The following FARP2 variants were observed in gnomAD, a reference collection of about 807,000 sequenced individuals.
The protein encoded by FARP2 is FERM, ARH/RhoGEF and pleckstrin domain protein 2, also known as FERM, ARHGEF and pleckstrin domain-containing protein 2.
A neutral mutation model predicts 130.5 loss-of-function variants in FARP2; 111 were observed. The observed-to-expected ratio is 0.85, with a 90% confidence interval of 0.73 to 1.00. The LOEUF (loss-of-function observed/expected upper bound fraction) is 1.00, where lower values mean the gene tolerates loss of function less well. Among genes scored for constraint, FARP2 ranks in the 50% least tolerant of loss-of-function variants. FARP2 has a pLI of 0.00. For missense variants in FARP2, 1,385 were observed against 1,346.3 expected (o/e 1.03, Z -0.45); for synonymous variants, 504 against 516.9 (o/e 0.98, Z 0.34).
At chr2:241,394,617 A>G (rs954362846) in intron 2 of FARP2, among the ~76,000 whole-genome samples, 3 of 152,182 alleles carry the variant, frequency 2.0e-5, no homozygotes, top group Non-Finnish European at 2.9e-5. Flanking sequence ...TAAGGCATCT[A>G]TACAAATTAT....
chr2:241,453,433 T>C (rs186919445), intron 13 of FARP2, among the ~76,000 whole-genome samples: 2,836 of 150,758 alleles, frequency 0.019, 125 homozygotes, highest in East Asian at 0.17. Flanking sequence ...CCATCCTGGC[T>C]AACATGGTGA....
intron 18 of FARP2, among the ~76,000 whole-genome samples, chr2:241,472,166 TAGGGGGATCCTGTTCTG>T (rs1221928522): frequency 6.9e-6 from 1 of 144,144 alleles, no homozygotes; most frequent in African/African-American, 2.6e-5. Flanking sequence ...ACCCTGTTCT[TAGGGGGATCCTGTTCTG>T]AGGGGGATGC....
intron 11 of FARP2, among the ~76,000 whole-genome samples, chr2:241,435,414 A>C (rs1159351231): frequency 6.6e-6 from 1 of 151,182 alleles, no homozygotes; most frequent in Non-Finnish European, 1.5e-5. Flanking sequence ...CCTATTTTAA[A>C]TATTAATCTT....
rs185665620 is a variant in FARP2, at chr2:241,452,287, C to T, written c.1412-4460C>T. On this transcript the variant is annotated intron_variant, in intron 13 of 26. Coordinates refer to ENST00000264042, the MANE Select transcript of FARP2 (RefSeq NM_014808.4). ...ATCTGTGTTGGTGACTTCAGCTAAA[C>T]CTGTTCCCCAGGGATAAATGCAACA... 3.3e-3 allele frequency among the ~76,000 whole-genome samples: 508 copies of T among 152,168 alleles called. 7 individuals carry two copies. Among genetic ancestry groups the T allele is most frequent in the Middle Eastern group, 0.02 (6 of 294 alleles).
In FARP2 at chr2:241,475,904, C is replaced by A; in HGVS notation, c.2179C>A (p.Leu727Ile). ...TEVTTTLQHILIRLENLQKLT... is the reference protein window; with the variant it reads ...TEVTTTLQHIIIRLENLQKLT... Reference sequence around the variant, plus strand: ...GGTGACCACCACACTACAGCACATTCTCATCCGGCTGGAGAACCTGCAGAA... The same window carrying A: ...GGTGACCACCACACTACAGCACATTATCATCCGGCTGGAGAACCTGCAGAA... Residue 727 changes from leucine (L) to isoleucine (I), a missense_variant, in exon 19 of 27, where the codon CTC (leucine) becomes ATC (isoleucine). Leu to Ile is a conservative substitution (Grantham distance 5). Transcript: ENST00000264042. This position sits in a 1 kb window ranked among gnomAD's most constrained non-coding sequence, Gnocchi z 4.4. The A allele has an allele frequency of 1.2e-6, 2 of 1,614,038 alleles. No homozygotes were observed. The highest frequency in any genetic ancestry group is 1.7e-6 in the Non-Finnish European group (2 of 1,179,956).
At chr2:241,416,815 G>T (rs527746986) in intron 7 of FARP2, among the ~76,000 whole-genome samples, 1 of 152,088 alleles carries the variant, frequency 6.6e-6, no homozygotes, top group African/African-American at 2.4e-5. Flanking sequence ...AGACTGAGGC[G>T]AAAGGATCGC....
chr2:241,449,114 C>T (rs780266987), intron 13 of FARP2, among the ~76,000 whole-genome samples: 11 of 152,222 alleles, frequency 7.2e-5, no homozygotes, highest in Non-Finnish European at 1.3e-4. Context: ...ATCAGGTTCA[C>T]ATTTACTTGG....
chr2:241,375,071 C>G (rs1490513205), intron 2 of FARP2, among the ~76,000 whole-genome samples: 1 of 152,112 alleles, frequency 6.6e-6, no homozygotes, highest in Non-Finnish European at 1.5e-5. Context: ...CTCAGCCTCC[C>G]GAGTAGCTGG....
chr2:241,484,192 T>C, intron 20 of FARP2, 50 bp from the exon 21 acceptor site: 1 of 1,612,244 alleles, frequency 6.2e-7, no homozygotes, highest in Non-Finnish European at 8.5e-7. Flanking sequence ...GTCTGACTAT[T>C]AAGACACTTG....
chr2:241,423,535 A>C (rs1176378381), intron 8 of FARP2, among the ~76,000 whole-genome samples: 4 of 152,254 alleles, frequency 2.6e-5, no homozygotes, highest in African/African-American at 9.6e-5. Context: ...CAGTGACACT[A>C]TAAAGCAACC....
At chr2:241,453,192 T>C (rs1308882105) in intron 13 of FARP2, among the ~76,000 whole-genome samples, 1 of 150,204 alleles carries the variant, frequency 6.7e-6, no homozygotes, top group Non-Finnish European at 1.5e-5. Context: ...TAGCCGGGCA[T>C]GGTGGCGTGC....
chr2:241,486,451 G>A (rs369170171), intron 21 of FARP2, among the ~76,000 whole-genome samples: 1 of 98,698 alleles, frequency 1.0e-5, no homozygotes, highest in South Asian at 4.3e-4. Context: ...GACAGAGTGA[G>A]ACCTCGTCTC....
intron 18 of FARP2, 74 bp downstream of exon 18, chr2:241,468,451 C>A: frequency 1.8e-6 from 2 of 1,107,434 alleles, no homozygotes; most frequent in South Asian, 1.3e-5. Flanking sequence ...TTTGCCAGAC[C>A]TGAAGACTTC....
At chr2:241,450,406 G>A (rs566600895) in intron 13 of FARP2, among the ~76,000 whole-genome samples, 4 of 151,778 alleles carry the variant, frequency 2.6e-5, no homozygotes, top group African/African-American at 4.8e-5. Flanking sequence ...GGTGGCTCAC[G>A]CCTGTAGTCC....
intron 2 of FARP2, among the ~76,000 whole-genome samples, chr2:241,389,056 G>A (rs1309090308): frequency 3.9e-5 from 6 of 152,022 alleles, no homozygotes; most frequent in South Asian, 2.1e-4. Flanking sequence ...CAAGGTGGGC[G>A]GATCACTTGA....
chr2:241,394,517 CAAAA>C (rs10592643), intron 2 of FARP2, among the ~76,000 whole-genome samples: 222 of 79,840 alleles, frequency 2.8e-3, no homozygotes, highest in African/African-American at 0.011. Flanking sequence ...GACTCCATCT[CAAAA>C]AAAAAAAAAA....
intron 10 of FARP2, among the ~76,000 whole-genome samples, chr2:241,434,609 T>C (rs1458653806): frequency 6.6e-6 from 1 of 152,226 alleles, no homozygotes; most frequent in Non-Finnish European, 1.5e-5. Flanking sequence ...CCCAGCACTT[T>C]GGAAGGCCAA....
chr2:241,361,853 A>C (rs1389554901), intron 1 of FARP2, among the ~76,000 whole-genome samples: 1 of 151,212 alleles, frequency 6.6e-6, no homozygotes, highest in Non-Finnish European at 1.5e-5. Flanking sequence ...AGGCTTTTAT[A>C]AATTTCTTGT....
In FARP2 at chr2:241,490,077, C is replaced by T. The variant is rs200520365; in HGVS notation, c.2504+33C>T. On this transcript the variant is annotated intron_variant, in intron 22 of 26. Coordinates refer to ENST00000264042, the MANE Select transcript of FARP2 (RefSeq NM_014808.4). ...TCTTCCATGTCTCCATCCTGAGCAG[C>T]CCTGGATGGAGGGGTGGGGACTTCC... The T allele has an allele frequency of 5.9e-5, 90 of 1,514,106 alleles. 1 individual carries two copies. In the East Asian group the frequency reaches 1.7e-3, roughly 28 times the overall value. The allele number at this position is 1,514,106 out of a possible 1,614,324, so 93.8% of individuals were successfully genotyped here.
Sources: gnomAD v4.1 joint callset for allele counts (sites outside exome capture counted in the v4.1 genomes callset) on GRCh38, gnomAD v4.1.1 for gene constraint, Gnocchi (gnomAD v3.1) non-coding constraint, MANE v1.5 for transcripts, NCBI Gene and HGNC (gene_info 2026-07-23, HGNC 2026-07-21) for gene names.